Variants in THSD4 observed in about 807,000 individuals in gnomAD.
THSD4 encodes thrombospondin type 1 domain containing 4, also known as thrombospondin type-1 domain-containing protein 4.
THSD4 carries 69 observed loss-of-function variants against 119.0 expected under a neutral mutation model. The ratio of observed to expected loss-of-function variants is 0.58; its 90% CI spans 0.48 to 0.71. The LOEUF (loss-of-function observed/expected upper bound fraction) is 0.71. Ranked by LOEUF, THSD4 falls within the 30% of genes least tolerant of loss-of-function variation. The pLI, the probability that THSD4 is intolerant of heterozygous loss-of-function variation, is 0.00. For missense variants in THSD4, 1,393 were observed against 1,391.1 expected (o/e 1.00, Z -0.02); for synonymous variants, 524 against 540.4 (o/e 0.97, Z 0.42).
intron 7 of THSD4, among the ~76,000 whole-genome samples, chr15:71,576,790 G>A (rs1302526542): frequency 3.9e-5 from 6 of 152,134 alleles, no homozygotes; most frequent in South Asian, 2.1e-4. Flanking sequence ...CAGATAAAAA[G>A]ATAACATGTT....
chr15:71,114,177 C>A (rs2040331274), upstream of THSD4, among the ~76,000 whole-genome samples: 1 of 151,950 alleles, frequency 6.6e-6, no homozygotes, highest in African/African-American at 2.4e-5. Flanking sequence ...AATGGTGTTT[C>A]TTTCTTTGGC....
Position 71,423,523 on chromosome 15 carries a change from CT to C in THSD4, c.1152+11702del, listed in dbSNP as rs1158921253. Among the ~76,000 whole-genome samples the C allele has an allele frequency of 2.0e-5, 3 of 152,200 alleles. No individual in the cohort carries two copies. The East Asian group carries it at 5.8e-4, about 29-fold the overall frequency. On this transcript the variant is annotated intron_variant, in intron 7 of 17. Transcript: ENST00000261862. ...ACGGCCTGGAATGGGGGCCTCAGGA[CT>C]TACCTGCTGCCCTATCCTGTGGTGG... is the stretch of plus-strand genomic sequence containing the variant.
intron 7 of THSD4, among the ~76,000 whole-genome samples, chr15:71,461,896 C>G (rs2047433607): frequency 6.6e-6 from 1 of 151,920 alleles, no homozygotes; most frequent in African/African-American, 2.4e-5. Context: ...TGTTGCCATC[C>G]TGGAGTGCAG....
chr15:71,442,957 G>A (rs891951890), intron 7 of THSD4, among the ~76,000 whole-genome samples: 3 of 151,524 alleles, frequency 2.0e-5, no homozygotes, highest in African/African-American at 7.3e-5. Flanking sequence ...GACTGTTTAT[G>A]CATCGAACCC....
intron 4 of THSD4, among the ~76,000 whole-genome samples, chr15:71,219,753 A>T (rs2043960417): frequency 6.6e-6 from 1 of 152,210 alleles, no homozygotes; most frequent in African/African-American, 2.4e-5. Flanking sequence ...TATTATTCAC[A>T]TTTTATAAAC....
intron 1 of THSD4, among the ~76,000 whole-genome samples, chr15:71,102,976 GT>G (rs762319493): frequency 3.9e-5 from 6 of 152,126 alleles, no homozygotes; most frequent in African/African-American, 9.7e-5. Context: ...TTTAAAAAAT[GT>G]TTGGTAATTC....
At chr15:71,435,562 T>C (rs944272575) in intron 7 of THSD4, among the ~76,000 whole-genome samples, 3 of 152,188 alleles carry the variant, frequency 2.0e-5, no homozygotes, top group Admixed American at 1.3e-4. Context: ...GAGGTAACTT[T>C]CCGGGTTTAG....
intron 7 of THSD4, among the ~76,000 whole-genome samples, chr15:71,539,558 T>C (rs560784223): frequency 9.2e-5 from 14 of 152,226 alleles, no homozygotes; most frequent in Non-Finnish European, 1.8e-4. Flanking sequence ...TGTGTGGTTT[T>C]AGGCATCATA....
chr15:71,319,619 G>A (rs543419280), intron 6 of THSD4, among the ~76,000 whole-genome samples: 1 of 152,026 alleles, frequency 6.6e-6, no homozygotes, highest in African/African-American at 2.4e-5. Context: ...TGGTGTATAT[G>A]TGCCACATTT....
chr15:71,717,325 A>G (rs1222718282), intron 8 of THSD4, among the ~76,000 whole-genome samples: 1 of 152,224 alleles, frequency 6.6e-6, no homozygotes, highest in Non-Finnish European at 1.5e-5. Flanking sequence ...AGTTATCTAG[A>G]TGGACATTTC....
chr15:71,157,640 C>G (rs1473702309), intron 3 of THSD4, among the ~76,000 whole-genome samples: 1 of 149,642 alleles, frequency 6.7e-6, no homozygotes, highest in African/African-American at 2.5e-5. Context: ...TCCTCAGTCT[C>G]TGGTAACCTC....
intron 6 of THSD4, among the ~76,000 whole-genome samples, chr15:71,395,698 C>T (rs538217622): frequency 2.0e-4 from 30 of 152,120 alleles, no homozygotes; most frequent in Middle Eastern, 3.4e-3. Context: ...ACTGAGATCA[C>T]GCCACTGCAC....
intron 8 of THSD4, among the ~76,000 whole-genome samples, chr15:71,725,819 T>C (rs2141122014): frequency 6.6e-6 from 1 of 152,264 alleles, no homozygotes; most frequent in African/African-American, 2.4e-5. Context: ...TCCTTTTTTT[T>C]TTCTGAGACT....
chr15:71,748,364 A>C (rs1049890377), intron 13 of THSD4, 57 bp from the exon 14 acceptor site: 1 of 1,599,308 alleles, frequency 6.3e-7, no homozygotes. Flanking sequence ...CATACTGGCA[A>C]TTCTCTCCCA....
intron 3 of THSD4, 37 bp from the exon 4 acceptor site, chr15:71,214,998 G>A (rs1030856486): frequency 5.7e-6 from 7 of 1,238,102 alleles, no homozygotes; most frequent in Non-Finnish European, 7.1e-6. Context: ...AGAGAGGAGC[G>A]GTGTTCTGGT....
At chr15:71,667,961 T>C (rs1001698514) in intron 8 of THSD4, among the ~76,000 whole-genome samples, 1 of 152,176 alleles carries the variant, frequency 6.6e-6, no homozygotes, top group Non-Finnish European at 1.5e-5. Flanking sequence ...CTATACATAC[T>C]TTTTGCAATT....
intron 1 of THSD4, among the ~76,000 whole-genome samples, chr15:71,121,395 C>T (rs1222405165): frequency 6.6e-6 from 1 of 151,576 alleles, no homozygotes; most frequent in Non-Finnish European, 1.5e-5. Context: ...TTGGCTGAGT[C>T]CTGAGCCTGC....
intron 6 of THSD4, among the ~76,000 whole-genome samples, chr15:71,350,444 G>A (rs2045729374): frequency 6.6e-6 from 1 of 152,052 alleles, no homozygotes; most frequent in Non-Finnish European, 1.5e-5. Flanking sequence ...CAGGACCCCT[G>A]AGTTCTGCAC....
intron 5 of THSD4, 128 bp from the exon 6 acceptor site, chr15:71,256,485 A>AAT: frequency 3.3e-6 from 2 of 597,096 alleles, no homozygotes; most frequent in Non-Finnish European, 4.8e-6. Flanking sequence ...CAAAAAAAAA[A>AAT]AAATAAATAA....
Sources: gnomAD v4.1 joint callset for allele counts (sites outside exome capture counted in the v4.1 genomes callset) on GRCh38, gnomAD v4.1.1 for gene constraint, MANE v1.5 for transcripts, NCBI Gene and HGNC (gene_info 2026-07-23, HGNC 2026-07-21) for gene names.